The following MSANTD5 variants were observed in gnomAD, a reference collection of about 807,000 sequenced individuals.
MSANTD5 encodes the protein Myb/SANT DNA binding domain containing 5.
chr5:178,702,565 C>T (rs1057150313), upstream of MSANTD5, among the ~76,000 whole-genome samples: 4 of 151,200 alleles, frequency 2.6e-5, no homozygotes, highest in African/African-American at 9.7e-5. Flanking sequence ...TCCCAAAGGG[C>T]TGGGAATACA....
the MSANTD5 span, among the ~76,000 whole-genome samples, chr5:178,705,281 C>T: frequency 2.0e-5 from 3 of 151,952 alleles, no homozygotes; most frequent in Non-Finnish European, 4.4e-5. Flanking sequence ...CTCCTGACCT[C>T]GTGATCTGCC....
In MSANTD5 at chr5:178,696,597, C is replaced by G. The variant is rs567159980; in HGVS notation, c.7-416G>C. Among the ~76,000 whole-genome samples the G allele has an allele frequency of 1.4e-3, 210 of 152,126 alleles. 2 individuals carry two copies. Among genetic ancestry groups the G allele is most frequent in the African/African-American group, 4.7e-3 (196 of 41,498 alleles). On this transcript the variant is annotated intron_variant, in intron 1 of 3. Transcript: ENST00000648368. ...AGTGGTTTTAGACACTGGACAAGGG[C>G]GCGTGGGACAGTGGAGTGAAGGCAG...
chr5:178,692,846 C>T (rs938248829), downstream of MSANTD5, among the ~76,000 whole-genome samples: 1 of 151,908 alleles, frequency 6.6e-6, no homozygotes, highest in Non-Finnish European at 1.5e-5. Context: ...TCTGGTGACT[C>T]TCTTGACTGT....
At chr5:178,693,171 G>C (rs112691098), downstream of MSANTD5, among the ~76,000 whole-genome samples, 1 of 151,986 alleles carries the variant, frequency 6.6e-6, no homozygotes, top group African/African-American at 2.4e-5. Context: ...AAATTAACCA[G>C]ACATGGTGGC....
chr5:178,707,467 C>A, the MSANTD5 span, among the ~76,000 whole-genome samples: 1 of 149,538 alleles, frequency 6.7e-6, no homozygotes, highest in Admixed American at 6.7e-5. Flanking sequence ...TCCTGTAATC[C>A]CAGCACTTTG....
the MSANTD5 span, among the ~76,000 whole-genome samples, chr5:178,704,972 G>A: frequency 6.6e-6 from 1 of 152,194 alleles, no homozygotes; most frequent in South Asian, 2.1e-4. Flanking sequence ...AGGCCTGGGG[G>A]CAGAAGCCAG....
downstream of MSANTD5, among the ~76,000 whole-genome samples, chr5:178,692,786 G>C (rs533076130): frequency 2.6e-5 from 4 of 152,110 alleles, no homozygotes; most frequent in African/African-American, 9.7e-5. Flanking sequence ...GAGGGGCTGA[G>C]GGCGGGAGGG....
chr5:178,694,095 T>C (rs1052600772), downstream of MSANTD5, among the ~76,000 whole-genome samples: 1 of 151,934 alleles, frequency 6.6e-6, no homozygotes, highest in Non-Finnish European at 1.5e-5. Flanking sequence ...GGCGAGTGGA[T>C]CACCTGAGGT....
At chr5:178,700,673 C>G (rs975697451), upstream of MSANTD5, among the ~76,000 whole-genome samples, 4 of 151,360 alleles carry the variant, frequency 2.6e-5, no homozygotes, top group Non-Finnish European at 5.9e-5. Flanking sequence ...CCAGGTTGAT[C>G]CCGAGCACGA....
upstream of MSANTD5, among the ~76,000 whole-genome samples, chr5:178,700,576 G>A (rs1765466422): frequency 1.2e-5 from 1 of 86,178 alleles, no homozygotes; most frequent in South Asian, 3.4e-4. Context: ...GATTAGATTA[G>A]ATTAGAACTG....
At chr5:178,698,958 T>G (rs898846517), upstream of MSANTD5, among the ~76,000 whole-genome samples, 1 of 151,936 alleles carries the variant, frequency 6.6e-6, no homozygotes, top group African/African-American at 2.4e-5. Context: ...TTCCATGTCA[T>G]CTAAAAATAC....
At chr5:178,697,446 TC>T (rs1765431327) in intron 1 of MSANTD5, 139 bp downstream of exon 1, 1 of 152,134 alleles carries the variant, frequency 6.6e-6, no homozygotes, top group Non-Finnish European at 1.5e-5. Context: ...AGAGCGAGAC[TC>T]CGTCTCAAAA....
downstream of MSANTD5, among the ~76,000 whole-genome samples, chr5:178,692,878 A>T (rs1333022319): frequency 1.3e-5 from 2 of 151,992 alleles, no homozygotes; most frequent in South Asian, 2.1e-4. Context: ...TATCCTGGTT[A>T]TGATACTGTG....
the MSANTD5 span, among the ~76,000 whole-genome samples, chr5:178,704,507 C>A: frequency 8.5e-5 from 13 of 152,318 alleles, no homozygotes; most frequent in Non-Finnish European, 1.8e-4. Flanking sequence ...GACTTCCCAA[C>A]CTCCGCAATG....
At chr5:178,701,960 C>T (rs1032077976), upstream of MSANTD5, among the ~76,000 whole-genome samples, 14 of 150,490 alleles carry the variant, frequency 9.3e-5, no homozygotes, top group Non-Finnish European at 1.9e-4. Flanking sequence ...CTCAAACTTC[C>T]GACCTCAGGT....
chr5:178,697,689 G>A (rs551440797), exon 1 of MSANTD5: 2 of 152,254 alleles, frequency 1.3e-5, no homozygotes, highest in East Asian at 3.9e-4. Flanking sequence ...CTCTCCTCTA[G>A]TGGAACCTAG....
At chr5:178,692,072 T>TAAA (rs58907781), downstream of MSANTD5, among the ~76,000 whole-genome samples, 146 of 91,144 alleles carry the variant, frequency 1.6e-3, 3 homozygotes, top group African/African-American at 5.2e-3. Flanking sequence ...TGGCAGTTTC[T>TAAA]AAAAAAAAAA....
chr5:178,695,334 G>T (rs1765400640), exon 3 of MSANTD5: 2 of 152,252 alleles, frequency 1.3e-5, no homozygotes, highest in South Asian at 4.1e-4. Context: ...CCTGTGCAGG[G>T]CCTCACCATA....
At chr5:178,691,832 T>A (rs1320614191), downstream of MSANTD5, among the ~76,000 whole-genome samples, 1 of 135,316 alleles carries the variant, frequency 7.4e-6, no homozygotes, top group East Asian at 1.9e-4. Flanking sequence ...ATGGAAGCCA[T>A]AAGTAGATAT....
Sources: gnomAD v4.1 joint callset for allele counts (sites outside exome capture counted in the v4.1 genomes callset) on GRCh38, gnomAD v4.1.1 for gene constraint, MANE v1.5 for transcripts, NCBI Gene and HGNC (gene_info 2026-07-23, HGNC 2026-07-21) for gene names.